EIF2S1: variants seen among roughly 807,000 people sequenced by gnomAD.
EIF2S1 encodes the protein eukaryotic translation initiation factor 2 subunit 1.
A neutral mutation model predicts 33.5 loss-of-function variants in EIF2S1; 5 were observed. The ratio of observed to expected loss-of-function variants is 0.15; its 90% CI spans 0.08 to 0.31. The LOEUF (loss-of-function observed/expected upper bound fraction) is 0.31. EIF2S1 is among the 10% of genes least tolerant of loss of function. EIF2S1 has a pLI of 1.00. For synonymous variants in EIF2S1, 99 were observed against 127.5 expected, an observed-to-expected ratio of 0.78 and a Z score of 1.51; for missense variants, 191 against 384.6, an observed-to-expected ratio of 0.50 and a Z score of 4.21.
exon 8 of EIF2S1, chr14:67,386,513 AGTATT>A (rs2085924852): frequency 1.3e-5 from 2 of 152,362 alleles, no homozygotes; most frequent in South Asian, 2.1e-4. Context: ...GTTCTTTAAA[AGTATT>A]GTATGATACA....
intron 3 of EIF2S1, among the ~76,000 whole-genome samples, chr14:67,376,212 A>G (rs1389872707): frequency 6.6e-6 from 1 of 152,184 alleles, no homozygotes; most frequent in African/African-American, 2.4e-5. Context: ...AGAGGAGGAA[A>G]CAAGTTCAGA....
Position 67,383,224 on chromosome 14 carries a change from A to G in EIF2S1, c.823-91A>G, listed in dbSNP as rs2085899380. ...TGACAGAGTTGTTAGAAAAGTGTTAAAGAGAGAAAACATTAGGCAGTAATA... is the reference window on the plus strand; with the variant it reads ...TGACAGAGTTGTTAGAAAAGTGTTAGAGAGAGAAAACATTAGGCAGTAATA... On this transcript the variant is annotated intron_variant, in intron 7 of 7. Coordinates refer to ENST00000256383, the MANE Select transcript of EIF2S1 (RefSeq NM_004094.5). The G allele has an allele frequency of 5.0e-6, 7 of 1,405,326 alleles. No homozygotes were observed. The South Asian group carries it at 8.2e-5, about 16-fold the overall frequency. The allele number at this position is 1,405,326 out of a possible 1,614,324, so 87.1% of individuals were successfully genotyped here. A position where few individuals can be genotyped will look rare whatever the true frequency, so the allele number is the denominator to read the frequency against.
At position 67,385,071 on chromosome 14, in the gene EIF2S1, G is replaced by A. The variant is rs1041396833; in HGVS notation, c.*1631G>A. The A allele has an allele frequency of 1.1e-4, 17 of 152,114 alleles. No individual in the cohort carries two copies. The highest frequency in any genetic ancestry group is 1.8e-4 in the Non-Finnish European group (12 of 68,034). The allele number at this position is 152,114 out of a possible 1,614,324, so 9.4% of individuals were successfully genotyped here. A position where few individuals can be genotyped will look rare whatever the true frequency, so the allele number is the denominator to read the frequency against. On this transcript the variant is annotated 3_prime_UTR_variant, in exon 8 of 8. Coordinates refer to ENST00000256383, the MANE Select transcript of EIF2S1 (RefSeq NM_004094.5). ...CGATGGTGAGTGATTTTTATCCCAC[G>A]TGGGCCTTTTGCTCAGTTCCATGGC... is the stretch of plus-strand genomic sequence containing the variant.
In EIF2S1 at chr14:67,363,267, G is replaced by A. The variant is rs116939448; in HGVS notation, c.-1-1500G>A. 4.4e-4 allele frequency among the ~76,000 whole-genome samples: 67 copies of A among 151,826 alleles called. No individual in the cohort carries two copies. In the East Asian group the frequency reaches 0.012, roughly 27 times the overall value. ...CAAACAGTCAGCTGTTTCTTGGTGG[G>A]TAAGGCCATTGAATGTCTACTTCTC... On this transcript the variant is annotated intron_variant, in intron 1 of 7. Coordinates refer to ENST00000256383, the MANE Select transcript of EIF2S1 (RefSeq NM_004094.5).
intron 2 of EIF2S1, among the ~76,000 whole-genome samples, chr14:67,368,056 T>C (rs188283341): frequency 2.2e-4 from 34 of 152,308 alleles, no homozygotes; most frequent in Admixed American, 4.6e-4. Flanking sequence ...AAACTTTTAC[T>C]ACTTATATTG....
intron 2 of EIF2S1, among the ~76,000 whole-genome samples, chr14:67,366,916 G>T (rs890946214): frequency 6.8e-6 from 1 of 146,260 alleles, no homozygotes; most frequent in African/African-American, 2.7e-5. Context: ...GGCAGCTAAG[G>T]TTCTAGCAGA....
At chr14:67,361,404 G>A (rs887694323) in intron 1 of EIF2S1, among the ~76,000 whole-genome samples, 1 of 152,208 alleles carries the variant, frequency 6.6e-6, no homozygotes, top group Non-Finnish European at 1.5e-5. Flanking sequence ...AGTAATGTTT[G>A]TAGAGATTCG....
intron 4 of EIF2S1, among the ~76,000 whole-genome samples, chr14:67,378,614 C>G (rs1201111339): frequency 6.6e-6 from 1 of 152,184 alleles, no homozygotes; most frequent in Non-Finnish European, 1.5e-5. Context: ...CAGTACATTT[C>G]TTAACTTGTC....
At chr14:67,373,785 A>C (rs1329197393) in intron 2 of EIF2S1, among the ~76,000 whole-genome samples, 1 of 152,076 alleles carries the variant, frequency 6.6e-6, no homozygotes, top group Non-Finnish European at 1.5e-5. Flanking sequence ...TTAAGCACCT[A>C]ACATAGTTAC....
chr14:67,376,653 C>A, intron 4 of EIF2S1, 63 bp downstream of exon 4: 1 of 1,542,672 alleles, frequency 6.5e-7, no homozygotes, highest in Non-Finnish European at 8.8e-7. Context: ...TGATATTTAA[C>A]AGCATAGCAT....
intron 2 of EIF2S1, among the ~76,000 whole-genome samples, chr14:67,367,016 T>C (rs185197002): frequency 9.2e-5 from 14 of 152,130 alleles, no homozygotes; most frequent in Admixed American, 7.2e-4. Context: ...TGGTGAGGGT[T>C]AGAGAAAGGA....
intron 4 of EIF2S1, 65 bp downstream of exon 4, chr14:67,376,655 G>A: frequency 6.5e-7 from 1 of 1,528,286 alleles, no homozygotes; most frequent in Non-Finnish European, 8.9e-7. Context: ...ATATTTAACA[G>A]CATAGCATCC....
At chr14:67,362,660 G>T (rs569785928) in intron 1 of EIF2S1, among the ~76,000 whole-genome samples, 4 of 151,914 alleles carry the variant, frequency 2.6e-5, no homozygotes, top group Non-Finnish European at 4.4e-5. Context: ...CACTTCTTGA[G>T]GACCAAATAA....
chr14:67,383,251 T>C, intron 7 of EIF2S1, 64 bp from the exon 8 acceptor site: 1 of 1,543,256 alleles, frequency 6.5e-7, no homozygotes, highest in Non-Finnish European at 8.8e-7. Context: ...GCAGTAATAG[T>C]ATTGAAATTA....
intron 2 of EIF2S1, among the ~76,000 whole-genome samples, chr14:67,370,058 A>G (rs1424409289): frequency 6.6e-6 from 1 of 152,256 alleles, no homozygotes; most frequent in East Asian, 1.9e-4. Context: ...AGTATCCCTT[A>G]TGGGAAATGA....
At position 67,385,651 on chromosome 14, in the gene EIF2S1, C is replaced by T. The variant is rs1595652646; in HGVS notation, c.*2211C>T. The T allele has an allele frequency of 7.1e-6, 1 of 140,978 alleles. No individual in the cohort carries two copies. The highest frequency in any genetic ancestry group is 2.7e-5 in the African/African-American group (1 of 37,086). The allele number at this position is 140,978 out of a possible 1,614,324, so 8.7% of individuals were successfully genotyped here. ...GGAAGAAATATGAATATTCAAACCA[C>T]TTTTTTCTTTTTTTTTTTTTTTTTT... is the stretch of plus-strand genomic sequence containing the variant. On this transcript the variant is annotated 3_prime_UTR_variant, in exon 8 of 8. Coordinates refer to ENST00000256383, the MANE Select transcript of EIF2S1 (RefSeq NM_004094.5).
chr14:67,365,728 T>TTA (rs2085771807), intron 2 of EIF2S1, among the ~76,000 whole-genome samples: 1 of 152,252 alleles, frequency 6.6e-6, no homozygotes, highest in Non-Finnish European at 1.5e-5. Flanking sequence ...AGGTCATTAG[T>TTA]TACCATCATG....
chr14:67,373,550 T>C (rs2085838374), intron 2 of EIF2S1, among the ~76,000 whole-genome samples: 1 of 152,200 alleles, frequency 6.6e-6, no homozygotes, highest in Non-Finnish European at 1.5e-5. Context: ...TCCTCCAGTA[T>C]TGAGAACAAG....
intron 4 of EIF2S1, among the ~76,000 whole-genome samples, chr14:67,377,464 A>G (rs1422576989): frequency 1.3e-5 from 2 of 152,156 alleles, no homozygotes; most frequent in Non-Finnish European, 2.9e-5. Context: ...CTTGGCTGGT[A>G]TGCTCACTAC....
Sources: allele counts gnomAD v4.1 joint callset (sites outside exome capture counted in the v4.1 genomes callset), GRCh38; gene constraint gnomAD v4.1.1; transcripts MANE v1.5; gene names NCBI Gene and HGNC (gene_info 2026-07-23, HGNC 2026-07-21).